The following TTC39A variants were observed in gnomAD, a reference collection of about 807,000 sequenced individuals.
The protein encoded by TTC39A is tetratricopeptide repeat domain 39A.
In TTC39A, 46 loss-of-function variants were observed where a neutral mutation model predicts 82.3. That is an observed-to-expected ratio of 0.56 (90% CI 0.44 to 0.71). The LOEUF is 0.71. Ranked by LOEUF, TTC39A falls within the 30% of genes least tolerant of loss-of-function variation. The pLI is 0.00. For missense variants in TTC39A, 543 were observed against 712.9 expected, an observed-to-expected ratio of 0.76 and a Z score of 2.71; for synonymous variants, 254 against 275.2, an observed-to-expected ratio of 0.92 and a Z score of 0.76.
intron 5 of TTC39A, among the ~76,000 whole-genome samples, chr1:51,310,322 G>A (rs549903351): frequency 6.6e-6 from 1 of 152,314 alleles, no homozygotes; most frequent in South Asian, 2.1e-4. Context: ...TGGACAGGGT[G>A]AGGAGGAGCC....
chr1:51,316,505 C>T (rs1176749108), intron 2 of TTC39A, among the ~76,000 whole-genome samples: 1 of 152,176 alleles, frequency 6.6e-6, no homozygotes, highest in East Asian at 1.9e-4. Context: ...TAGCTAGGAG[C>T]CCAGCTCAGG....
At chr1:51,323,307 G>A (rs1033958074) in intron 1 of TTC39A, among the ~76,000 whole-genome samples, 3 of 149,302 alleles carry the variant, frequency 2.0e-5, no homozygotes, top group Non-Finnish European at 4.4e-5. Context: ...CAGAGATAGG[G>A]TCTCATATGT....
chr1:51,340,528 C>G (rs1166750547), intron 1 of TTC39A, among the ~76,000 whole-genome samples: 3 of 152,200 alleles, frequency 2.0e-5, no homozygotes, highest in Non-Finnish European at 2.9e-5. Flanking sequence ...ATCACCGCCC[C>G]CTTTCTCCTC....
chr1:51,302,289 C>T, intron 11 of TTC39A, 68 bp downstream of exon 11: 1 of 1,129,524 alleles, frequency 8.9e-7, no homozygotes, highest in Non-Finnish European at 1.2e-6. Flanking sequence ...GTCACATGTG[C>T]CTGACTTCCT....
At chr1:51,330,657 G>T, upstream of TTC39A, 2 of 981,298 alleles carry the variant, frequency 2.0e-6, no homozygotes, top group Non-Finnish European at 2.4e-6. The surrounding 1 kb of genome is among the most constrained non-coding windows in gnomAD (Gnocchi z 4.5). Flanking sequence ...CGCACCGTAG[G>T]GCCATGGCCG....
intron 1 of TTC39A, among the ~76,000 whole-genome samples, chr1:51,323,540 A>G (rs149823262): frequency 5.3e-5 from 8 of 152,086 alleles, no homozygotes; most frequent in African/African-American, 1.4e-4. Context: ...TCTCTGTTAG[A>G]CCTTTTTATT....
rs776875892 is a variant in TTC39A, at chr1:51,294,392, A to G, written c.1265T>C (p.Leu422Pro). ...CGCCAGTCCAGACCTCCTACCCACC[A>G]GAGCAGGCACTGGCAGCGAGATAGG... ...SNPISLPVPALEMMYIWNGYA... is the reference protein window; with the variant it reads ...SNPISLPVPAPEMMYIWNGYA... The change falls in exon 14 of 18, where the codon CTG becomes CCG. Residue 422 changes from leucine to proline, a missense_variant and splice_region_variant. By Grantham distance (98) the Leu-to-Pro change is moderately conservative. Transcript: ENST00000680483. This position sits in a 1 kb window ranked among gnomAD's most constrained non-coding sequence, Gnocchi z 4.3. 2.5e-6 allele frequency: 4 copies of G among 1,613,860 alleles called. No individual in the cohort carries two copies. Among genetic ancestry groups the G allele is most frequent in the Non-Finnish European group, 3.4e-6 (4 of 1,179,888 alleles).
chr1:51,304,814 C>T (rs1487729496), intron 8 of TTC39A, among the ~76,000 whole-genome samples: 1 of 152,208 alleles, frequency 6.6e-6, no homozygotes, highest in East Asian at 1.9e-4. Flanking sequence ...AATGTGTGAT[C>T]CTGGGCCACT....
At chr1:51,310,008 T>A (rs930440533) in intron 5 of TTC39A, among the ~76,000 whole-genome samples, 4 of 149,622 alleles carry the variant, frequency 2.7e-5, no homozygotes, top group Non-Finnish European at 6.0e-5. Flanking sequence ...GAAAGCTATT[T>A]AAAAAAAAAA....
upstream of TTC39A, among the ~76,000 whole-genome samples, chr1:51,334,226 A>C (rs988972236): frequency 1.4e-5 from 2 of 147,922 alleles, no homozygotes; most frequent in African/African-American, 2.5e-5. Context: ...AGGCCAGGCC[A>C]GTTGTGGTGG....
chr1:51,306,184 A>G, intron 6 of TTC39A, 108 bp from the exon 7 acceptor site: 1 of 823,472 alleles, frequency 1.2e-6, no homozygotes, highest in Non-Finnish European at 2.0e-6. Context: ...GTGGATTCAT[A>G]CAGTTCTGGT....
In TTC39A at chr1:51,311,253, C is replaced by A; in HGVS notation, c.423+1G>T. 6.3e-7 allele frequency: 1 copy of A among 1,579,156 alleles called. No homozygotes were observed. Among genetic ancestry groups the A allele is most frequent in the Non-Finnish European group, 8.6e-7 (1 of 1,162,328 alleles). On this transcript the variant is annotated splice_donor_variant, in intron 5 of 17. Coordinates refer to ENST00000680483, the MANE Select transcript of TTC39A (RefSeq NM_001297663.2). LOFTEE classifies it high-confidence loss of function. ...CTCTTTGTACAAGTGGGGGTCCCTA[C>A]CTGCAGGAAGGTCAGGGCTGCTCGC...
At chr1:51,302,248 C>CA (rs904925914) in intron 11 of TTC39A, 109 bp downstream of exon 11, 6 of 574,670 alleles carry the variant, frequency 1.0e-5, no homozygotes, top group Non-Finnish European at 2.0e-5. Flanking sequence ...TGGCCCCCCC[C>CA]CCGCCCCCAG....
rs79841880 is a variant in TTC39A at position 51,306,322 on chromosome 1, G to A, written c.489-246C>T. Among the ~76,000 whole-genome samples, 599 of 152,308 alleles carry A rather than the reference G, an allele frequency of 3.9e-3. 4 individuals carry two copies. Among genetic ancestry groups the A allele is most frequent in the African/African-American group, 0.014 (572 of 41,560 alleles). On this transcript the variant is annotated intron_variant, in intron 6 of 17. Coordinates refer to ENST00000680483, the MANE Select transcript of TTC39A (RefSeq NM_001297663.2). ...AGCCATGGGCAGCTTCTGGACATTT[G>A]TTCGTATTCCACATCCTATCTAAAA...
Position 51,296,116 on chromosome 1 carries a change from G to T in TTC39A, c.1108C>A (p.His370Asn). The T allele has an allele frequency of 6.3e-7, 1 of 1,599,980 alleles. No individual in the cohort carries two copies. Among genetic ancestry groups the T allele is most frequent in the Non-Finnish European group, 8.5e-7 (1 of 1,173,348 alleles). The change falls in exon 13 of 18, where the codon CAC becomes AAC. Residue 370 changes from histidine to asparagine, a missense_variant. Coordinates refer to ENST00000680483, the MANE Select transcript of TTC39A (RefSeq NM_001297663.2). ...ACTTCGTCGTCCCCGAACGGCTTGT[G>T]GTCCTCCTTCCCAAACATGCTGAGG... ...AYLSMFGKED[H>N]KPFGDDEVEL...
At chr1:51,328,720 A>T (rs1337393323) in intron 1 of TTC39A, among the ~76,000 whole-genome samples, 4 of 152,208 alleles carry the variant, frequency 2.6e-5, no homozygotes, top group Non-Finnish European at 5.9e-5. Flanking sequence ...ATATCTGACA[A>T]AGTTGGGTGG....
intron 5 of TTC39A, 59 bp from the exon 6 acceptor site, chr1:51,309,384 G>A: frequency 6.2e-7 from 1 of 1,611,472 alleles, no homozygotes; most frequent in South Asian, 1.1e-5. Context: ...GGCGTGAGAG[G>A]GATCATGCAA....
chr1:51,337,210 G>A (rs974950172), intron 1 of TTC39A, among the ~76,000 whole-genome samples: 6 of 151,920 alleles, frequency 3.9e-5, no homozygotes, highest in South Asian at 2.1e-4. Flanking sequence ...ATCATCTCCC[G>A]ACATCATTTC....
In TTC39A at chr1:51,290,070, G is replaced by T. The variant is rs1644145064; in HGVS notation, c.1428C>A (p.Gly476=). The part of the protein sequence containing the change: ...DDECLVKLLK[G]LCLKYLGRVQ... ...CACGGCCCAGGTATTTCAGACACAG[G>T]CCTTTCAACAATTTCACCAAGCACT... Residue 476 remains glycine, a synonymous_variant, in exon 16 of 18, where the codon GGC becomes GGA. Transcript: ENST00000680483. 1.2e-6 allele frequency: 2 copies of T among 1,613,810 alleles called. No individual in the cohort carries two copies. The highest frequency in any genetic ancestry group is 1.7e-6 in the Non-Finnish European group (2 of 1,179,886).
Sources: allele counts gnomAD v4.1 joint callset (sites outside exome capture counted in the v4.1 genomes callset), GRCh38; gene constraint gnomAD v4.1.1; non-coding constraint Gnocchi (gnomAD v3.1); transcripts MANE v1.5; gene names NCBI Gene and HGNC (gene_info 2026-07-23, HGNC 2026-07-21).